Variants in SNX29 observed in about 807,000 individuals in gnomAD.
SNX29 encodes the protein sorting nexin-29.
Under a neutral mutation model 102.1 loss-of-function variants are expected in SNX29, and 78 were observed. The observed-to-expected ratio is 0.76, with a 90% CI of 0.64 to 0.92. The LOEUF is 0.92. Among genes scored for constraint, SNX29 ranks in the 40% least tolerant of loss-of-function variants. The pLI is 0.00. For missense variants in SNX29, 1,280 were observed against 1,061.7 expected (o/e 1.21, Z -2.86); for synonymous variants, 580 against 414.5 (o/e 1.40, Z -4.85).
chr16:12,562,073 T>C (rs1179880229), intron 20 of SNX29, among the ~76,000 whole-genome samples: 1 of 152,202 alleles, frequency 6.6e-6, no homozygotes, highest in Non-Finnish European at 1.5e-5. Context: ...TCCCGTGTTT[T>C]CTGCCCAGTA....
chr16:12,561,182 G>A (rs1314573178), intron 20 of SNX29: 6 of 230,354 alleles, frequency 2.6e-5, no homozygotes, highest in East Asian at 1.2e-4. Context: ...AGCCTGGCAT[G>A]CTCTGATACT....
intron 14 of SNX29, among the ~76,000 whole-genome samples, chr16:12,251,500 C>G (rs1208607234): frequency 1.3e-5 from 2 of 152,024 alleles, no homozygotes; most frequent in African/African-American, 4.8e-5. Flanking sequence ...GTCAGGAGTT[C>G]GAGACAATCC....
Position 12,570,048 on chromosome 16 carries a change from A to T in SNX29, c.*1419A>T. 1 of 512,792 alleles carries T rather than the reference A, an allele frequency of 2.0e-6. No homozygotes were observed. The highest frequency in any genetic ancestry group is 2.7e-6 in the Non-Finnish European group (1 of 374,556). The allele number at this position is 512,792 out of a possible 1,614,324, so 31.8% of individuals were successfully genotyped here. A position where few individuals can be genotyped will look rare whatever the true frequency, so the allele number is the denominator to read the frequency against. On this transcript the variant is annotated 3_prime_UTR_variant, in exon 21 of 21. Coordinates refer to ENST00000566228, the MANE Select transcript of SNX29 (RefSeq NM_032167.5). ...GAGCATGGAGCATCTCCTAGGCTCGAGGACATCTCTGGAGAATCATCTGGA... is the reference window on the plus strand; with the variant it reads ...GAGCATGGAGCATCTCCTAGGCTCGTGGACATCTCTGGAGAATCATCTGGA...
At chr16:12,429,385 G>A (rs924199729) in intron 18 of SNX29, among the ~76,000 whole-genome samples, 10 of 152,104 alleles carry the variant, frequency 6.6e-5, no homozygotes, top group African/African-American at 2.4e-4. Context: ...TTTTTCTTTA[G>A]TTGGAATCGT....
chr16:12,390,149 G>GGGGGGTGTGT (rs55953631), intron 16 of SNX29, among the ~76,000 whole-genome samples: 1 of 145,588 alleles, frequency 6.9e-6, no homozygotes, highest in East Asian at 2.1e-4. Context: ...GCAATTGAGG[G>GGGGGGTGTGT]GTGTGTGTGT....
At chr16:12,091,793 A>AC (rs370662046) in intron 11 of SNX29, among the ~76,000 whole-genome samples, 13 of 149,042 alleles carry the variant, frequency 8.7e-5, no homozygotes, top group Non-Finnish European at 1.8e-4. Flanking sequence ...AAAAAAAAAA[A>AC]GGGACCCCAG....
intron 13 of SNX29, among the ~76,000 whole-genome samples, chr16:12,148,938 G>A (rs1273727102): frequency 6.6e-6 from 1 of 152,072 alleles, no homozygotes; most frequent in Non-Finnish European, 1.5e-5. Flanking sequence ...CTGACCTCAG[G>A]TGATCCACCT....
intron 11 of SNX29, among the ~76,000 whole-genome samples, chr16:12,114,396 G>T (rs2053612658): frequency 6.6e-6 from 1 of 152,086 alleles, no homozygotes; most frequent in South Asian, 2.1e-4. Context: ...TCCTGTTGAG[G>T]CTCTGTCTCT....
At chr16:12,143,519 A>C (rs575577739) in intron 13 of SNX29, among the ~76,000 whole-genome samples, 5 of 152,260 alleles carry the variant, frequency 3.3e-5, no homozygotes, top group Admixed American at 1.3e-4. Flanking sequence ...TAGATGTGGG[A>C]TCTGAGATGG....
At chr16:12,537,940 G>T (rs28697103) in intron 20 of SNX29, among the ~76,000 whole-genome samples, 1 of 149,648 alleles carries the variant, frequency 6.7e-6, no homozygotes, top group Admixed American at 6.7e-5. Flanking sequence ...AGCTGAGATC[G>T]TGCCACTGCA....
At chr16:11,997,964 A>T (rs987751060) in intron 1 of SNX29, among the ~76,000 whole-genome samples, 2 of 152,176 alleles carry the variant, frequency 1.3e-5, no homozygotes, top group Non-Finnish European at 2.9e-5. Flanking sequence ...AACCTGGCTT[A>T]TAGGGTGAAT....
rs574090459 is a variant in SNX29 at position 12,483,114 on chromosome 16, GTTTTTTT to G, written c.2178+5278_2178+5284del. ...AATAGATACATATTGAAGTTATTAA[GTTTTTTT>G]TTTTTTTTTTTTTTTTTTTTTTGGA... On this transcript the variant is annotated intron_variant, in intron 19 of 20. Coordinates refer to ENST00000566228, the MANE Select transcript of SNX29 (RefSeq NM_032167.5). 8.9e-3 allele frequency among the ~76,000 whole-genome samples: 590 copies of G among 66,168 alleles called. 4 individuals are homozygous for G. Among genetic ancestry groups the G allele is most frequent in the Non-Finnish European group, 0.013 (477 of 35,946 alleles). 43.4% of individuals were successfully genotyped at this position (66,168 alleles called of 152,430 possible). A position where few individuals can be genotyped will look rare whatever the true frequency, so the allele number is the denominator to read the frequency against.
chr16:12,545,310 C>T (rs989199074), intron 20 of SNX29, among the ~76,000 whole-genome samples: 1 of 151,254 alleles, frequency 6.6e-6, no homozygotes, highest in African/African-American at 2.4e-5. Flanking sequence ...ATCTGGAAGA[C>T]TCGCATCCAC....
At chr16:12,101,660 T>G (rs1257510890) in intron 11 of SNX29, among the ~76,000 whole-genome samples, 2 of 152,154 alleles carry the variant, frequency 1.3e-5, no homozygotes, top group African/African-American at 4.8e-5. Flanking sequence ...CTGGGATTGC[T>G]GGCACGAGTC....
intron 15 of SNX29, among the ~76,000 whole-genome samples, chr16:12,334,048 G>C (rs116886361): frequency 1.1e-3 from 163 of 152,270 alleles, no homozygotes; most frequent in Non-Finnish European, 2.0e-3. Context: ...AGACGGCCTT[G>C]TAGGGAAGCG....
At chr16:11,983,603 A>T (rs555432401) in intron 1 of SNX29, 11 of 969,928 alleles carry the variant, frequency 1.1e-5, no homozygotes, top group Non-Finnish European at 1.3e-5. Flanking sequence ...TGCAAGAAGT[A>T]CATGTTCTAC....
chr16:12,135,410 C>A, intron 13 of SNX29: 2 of 799,588 alleles, frequency 2.5e-6, no homozygotes, highest in Non-Finnish European at 1.8e-6. Context: ...GATGGCAGCC[C>A]ACCCAGGCCT....
chr16:12,370,330 C>T (rs893558160), intron 16 of SNX29, among the ~76,000 whole-genome samples: 9 of 151,608 alleles, frequency 5.9e-5, no homozygotes, highest in African/African-American at 1.9e-4. Context: ...GAGGCCAAGG[C>T]GAGCGGATCA....
chr16:12,044,180 G>C (rs2049997433), intron 5 of SNX29, among the ~76,000 whole-genome samples: 1 of 152,220 alleles, frequency 6.6e-6, no homozygotes, highest in African/African-American at 2.4e-5. Context: ...GCAACGCCCA[G>C]ATCGTCAACA....
Sources: gnomAD v4.1 joint callset for allele counts (sites outside exome capture counted in the v4.1 genomes callset) on GRCh38, gnomAD v4.1.1 for gene constraint, MANE v1.5 for transcripts, NCBI Gene and HGNC (gene_info 2026-07-23, HGNC 2026-07-21) for gene names.